Variants in TTLL11 observed in about 807,000 individuals in gnomAD.
The protein encoded by TTLL11 is tubulin polyglutamylase TTLL11.
A neutral mutation model predicts 51.7 loss-of-function variants in TTLL11; 42 were observed. The ratio of observed to expected loss-of-function variants is 0.81; its 90% CI spans 0.64 to 1.05. TTLL11 has a LOEUF of 1.05. TTLL11 is among the 50% of genes least tolerant of loss of function. TTLL11 has a pLI of 0.00. For missense variants in TTLL11, 799 were observed against 940.4 expected, an observed-to-expected ratio of 0.85 and a Z score of 1.97; for synonymous variants, 381 against 383.5, an observed-to-expected ratio of 0.99 and a Z score of 0.08.
intron 3 of TTLL11, among the ~76,000 whole-genome samples, chr9:122,024,883 T>C (rs1026330982): frequency 6.9e-6 from 1 of 145,232 alleles, no homozygotes; most frequent in Non-Finnish European, 1.5e-5. Flanking sequence ...AATTCCTATA[T>C]ATGACACAAA....
chr9:121,915,636 T>C (rs1211135875), intron 6 of TTLL11, among the ~76,000 whole-genome samples: 1 of 152,206 alleles, frequency 6.6e-6, no homozygotes, highest in African/African-American at 2.4e-5. Flanking sequence ...TGAATAAATA[T>C]GTACTGTTTG....
intron 2 of TTLL11, among the ~76,000 whole-genome samples, chr9:122,036,240 G>C (rs1377426781): frequency 6.6e-6 from 1 of 151,766 alleles, no homozygotes; most frequent in Non-Finnish European, 1.5e-5. Context: ...ACAGATGGCT[G>C]TCCCCACAGG....
At chr9:121,999,749 C>T (rs1427882158) in intron 3 of TTLL11, among the ~76,000 whole-genome samples, 8 of 152,344 alleles carry the variant, frequency 5.3e-5, no homozygotes, top group East Asian at 1.9e-4. Flanking sequence ...CACACGTGCG[C>T]GTGCACACAT....
chr9:121,841,982 G>A lies in TTLL11; in HGVS notation c.1840+18355C>T, dbSNP rs78811042. 6.4e-3 allele frequency among the ~76,000 whole-genome samples: 979 copies of A among 152,186 alleles called. 7 individuals carry two copies. The highest frequency in any genetic ancestry group is 0.023 in the African/African-American group (939 of 41,494). The stretch of plus-strand genomic sequence containing the variant: ...CTGGAAGTGTCCCAATTCTTCCAGC[G>A]AGATGCAGAGCTCCCCGAGAGCATG... On this transcript the variant is annotated intron_variant, in intron 8 of 8. Transcript: ENST00000321582.
At chr9:121,968,753 G>A (rs1179838382) in intron 6 of TTLL11, among the ~76,000 whole-genome samples, 2 of 151,652 alleles carry the variant, frequency 1.3e-5, no homozygotes, top group Non-Finnish European at 2.9e-5. Flanking sequence ...TAGAGACAGG[G>A]TTTCACCATA....
chr9:121,961,789 C>G (rs1202653664), intron 6 of TTLL11, among the ~76,000 whole-genome samples: 1 of 152,224 alleles, frequency 6.6e-6, no homozygotes, highest in Non-Finnish European at 1.5e-5. Context: ...GGTGCCATGG[C>G]TCACACCTGT....
chr9:121,848,971 T>A (rs57021285), intron 8 of TTLL11, among the ~76,000 whole-genome samples: 17,341 of 152,218 alleles, frequency 0.11, 1,623 homozygotes, highest in African/African-American at 0.25. Flanking sequence ...ACCAAGTCAG[T>A]GGACTGACAC....
intron 3 of TTLL11, among the ~76,000 whole-genome samples, chr9:121,991,973 T>C: frequency 6.6e-6 from 1 of 152,150 alleles, no homozygotes. Flanking sequence ...GGTGCCATTT[T>C]TGCCTCTAAG....
intron 1 of TTLL11, among the ~76,000 whole-genome samples, chr9:122,076,769 G>A (rs1845872458): frequency 6.8e-6 from 1 of 146,062 alleles, no homozygotes; most frequent in African/African-American, 2.5e-5. Context: ...AAAGACAGAA[G>A]AGAGTGGATG....
Position 121,974,053 on chromosome 9 carries a change from G to C in TTLL11, c.1437C>G (p.Asp479Glu). Residue 479 changes from aspartate (D) to glutamate (E), a missense_variant, in exon 6 of 9, where the codon GAC (aspartate) becomes GAG (glutamate). By Grantham distance (45) the Asp-to-Glu change is conservative (BLOSUM62 2). Coordinates refer to ENST00000321582, the MANE Select transcript of TTLL11 (RefSeq NM_001139442.2). ...DEEVKVAVIR[D>E]TLRLMDPLKK... ...TAAGTGGGTCCATGAGGCGCAGAGT[G>C]TCTCTGATCACAGCCACTTTCACTT... The C allele has an allele frequency of 6.4e-7, 1 of 1,551,706 alleles. No homozygotes were observed. Among genetic ancestry groups the C allele is most frequent in the Non-Finnish European group, 8.7e-7 (1 of 1,146,988 alleles).
intron 6 of TTLL11, among the ~76,000 whole-genome samples, chr9:121,957,171 T>C (rs768127207): frequency 6.6e-6 from 1 of 151,628 alleles, no homozygotes; most frequent in South Asian, 2.1e-4. Flanking sequence ...CAGGAGCTTA[T>C]AGTCTCAGGT....
chr9:121,928,912 T>C (rs2131546890), intron 6 of TTLL11, among the ~76,000 whole-genome samples: 1 of 152,334 alleles, frequency 6.6e-6, no homozygotes, highest in East Asian at 1.9e-4. Context: ...TCATGATAGA[T>C]TATTTTAAAA....
At chr9:121,971,790 T>C (rs1842587069) in intron 6 of TTLL11, among the ~76,000 whole-genome samples, 2 of 137,360 alleles carry the variant, frequency 1.5e-5, no homozygotes, top group African/African-American at 5.2e-5. Context: ...CACCATGGAA[T>C]ACTATGCAGC....
At chr9:121,992,931 T>C (rs916270418) in intron 3 of TTLL11, among the ~76,000 whole-genome samples, 3 of 152,294 alleles carry the variant, frequency 2.0e-5, no homozygotes, top group Admixed American at 1.3e-4. Flanking sequence ...ACAAATGAAA[T>C]ATTATTCAGC....
rs1837736772 is a variant in TTLL11, at chr9:121,853,772, G to A, written c.1840+6565C>T. 6.6e-6 allele frequency among the ~76,000 whole-genome samples: 1 copy of A among 152,208 alleles called. No individual in the cohort carries two copies. The highest frequency in any genetic ancestry group is 2.1e-4 in the South Asian group (1 of 4,826). On this transcript the variant is annotated intron_variant, in intron 8 of 8. Transcript: ENST00000321582. This position sits in a 1 kb window ranked among gnomAD's most constrained non-coding sequence, Gnocchi z 5.6. ...CGCCAGGGTGGGATGAGGAGGGCCT[G>A]GCACTCTGTCAGCCACCAAGGGAGA...
chr9:121,832,469 G>A (rs1043389025), intron 8 of TTLL11, among the ~76,000 whole-genome samples: 6 of 152,172 alleles, frequency 3.9e-5, no homozygotes, highest in Admixed American at 2.0e-4. Flanking sequence ...TTATGTAGAA[G>A]GCCCTGGATT....
chr9:121,848,286 T>C (rs1326455552), intron 8 of TTLL11, among the ~76,000 whole-genome samples: 1 of 151,806 alleles, frequency 6.6e-6, no homozygotes, highest in Non-Finnish European at 1.5e-5. Context: ...TAAAGCAATA[T>C]CTACAAAAAA....
At chr9:122,007,420 A>T (rs1318581536) in intron 3 of TTLL11, among the ~76,000 whole-genome samples, 1 of 151,044 alleles carries the variant, frequency 6.6e-6, no homozygotes, top group Non-Finnish European at 1.5e-5. Context: ...GGTTGCAGTG[A>T]GCCAAGATCA....
intron 8 of TTLL11, 129 bp downstream of exon 8, chr9:121,860,208 G>T (rs1188218066): frequency 6.0e-6 from 4 of 670,158 alleles, no homozygotes; most frequent in Non-Finnish European, 9.9e-6. Context: ...TCAATCCCTG[G>T]GATTATGTCT....
Sources: allele counts gnomAD v4.1 joint callset (sites outside exome capture counted in the v4.1 genomes callset), GRCh38; gene constraint gnomAD v4.1.1; non-coding constraint Gnocchi (gnomAD v3.1); transcripts MANE v1.5; gene names NCBI Gene and HGNC (gene_info 2026-07-23, HGNC 2026-07-21).